The following CPNE2 variants were observed in gnomAD, a reference collection of about 807,000 sequenced individuals.
The protein encoded by CPNE2 is copine 2.
A neutral mutation model predicts 69.7 loss-of-function variants in CPNE2; 42 were observed. The ratio of observed to expected loss-of-function variants is 0.60; its 90% CI spans 0.47 to 0.78. CPNE2 has a LOEUF of 0.78. CPNE2 is among the 30% of genes least tolerant of loss of function. The probability of loss-of-function intolerance (pLI) is 0.00; values close to 1 mark genes in which losing one functional copy is unlikely to be tolerated. For synonymous variants in CPNE2, 294 were observed against 289.8 expected, an observed-to-expected ratio of 1.01 and a Z score of -0.15; for missense variants, 587 against 732.0, an observed-to-expected ratio of 0.80 and a Z score of 2.29.
At chr16:57,145,805 C>G in intron 14 of CPNE2, 1 of 471,894 alleles carries the variant, frequency 2.1e-6, no homozygotes, top group Non-Finnish European at 3.9e-6. Context: ...GTCCAGGGCT[C>G]TCAGAGGCCC....
In CPNE2 at chr16:57,113,374, G is replaced by A; in HGVS notation, c.267G>A (p.Gln89=). 6.2e-6 allele frequency: 10 copies of A among 1,614,214 alleles called. No individual in the cohort carries two copies. Among genetic ancestry groups the A allele is most frequent in the Non-Finnish European group, 8.5e-6 (10 of 1,180,040 alleles). The stretch of plus-strand genomic sequence containing the variant: ...TTGACTACCACTTCGAGGAGGTACA[G>A]AAGCTCAAGTTCGCGCTCTTTGACC... ...FVLDYHFEEV[Q]KLKFALFDQD... is the part of the protein sequence containing the mutation. The change falls in exon 3 of 16, where the codon CAG becomes CAA. Residue 89 remains glutamine (Q), a synonymous_variant. Transcript: ENST00000290776.
intron 12 of CPNE2, among the ~76,000 whole-genome samples, 158 bp downstream of exon 12, chr16:57,128,061 G>C (rs554261501): frequency 3.9e-5 from 6 of 152,254 alleles, no homozygotes; most frequent in African/African-American, 1.4e-4. Context: ...CCTGATCCTT[G>C]GGCAGGCACT....
At chr16:57,116,846 G>A (rs2069722647) in intron 4 of CPNE2, among the ~76,000 whole-genome samples, 1 of 152,034 alleles carries the variant, frequency 6.6e-6, no homozygotes, top group African/African-American at 2.4e-5. Flanking sequence ...AGGCAGGAGA[G>A]GAGAGGAGGC....
intron 12 of CPNE2, 109 bp from the exon 13 acceptor site, chr16:57,134,666 G>T (rs1188296218): frequency 1.1e-5 from 13 of 1,136,872 alleles, no homozygotes; most frequent in Non-Finnish European, 1.6e-5. Flanking sequence ...TAGGGGTGGG[G>T]GTTATGAGCC....
chr16:57,122,488 G>T (rs2069770373), intron 9 of CPNE2, among the ~76,000 whole-genome samples: 1 of 152,248 alleles, frequency 6.6e-6, no homozygotes, highest in Non-Finnish European at 1.5e-5. Context: ...CCTTGTGATG[G>T]ATGGTCCTTG....
Position 57,121,732 on chromosome 16 carries a change from C to T in CPNE2, c.839C>T (p.Ser280Leu), listed in dbSNP as rs1179007270. 5.0e-6 allele frequency: 8 copies of T among 1,614,182 alleles called. No homozygotes were observed. The highest frequency in any genetic ancestry group is 3.4e-6 in the Non-Finnish European group (4 of 1,180,036). The change falls in exon 9 of 16, where the codon TCG becomes TTG. Residue 280 changes from serine to leucine, a missense_variant. Coordinates refer to ENST00000290776, the MANE Select transcript of CPNE2 (RefSeq NM_152727.6). ...KQRKKKNYKN[S>L]GIIILRSCKI... Reference sequence around the variant, plus strand: ...AGGAAGAAGAAGAACTATAAAAACTCGGGCATCATCATCCTGCGATCCTGC... The same window carrying T: ...AGGAAGAAGAAGAACTATAAAAACTTGGGCATCATCATCCTGCGATCCTGC...
intron 1 of CPNE2, 64 bp from the exon 2 acceptor site, chr16:57,110,644 C>T (rs2069674870): frequency 8.9e-7 from 1 of 1,121,946 alleles, no homozygotes. Flanking sequence ...GGTAATGCCT[C>T]CCTATGGTGG....
chr16:57,122,613 G>A (rs1356230966), intron 9 of CPNE2, among the ~76,000 whole-genome samples: 2 of 152,118 alleles, frequency 1.3e-5, no homozygotes, highest in Non-Finnish European at 2.9e-5. Flanking sequence ...TTGTTTTTGA[G>A]ACAGAGTCTC....
In CPNE2 at chr16:57,146,322, G is replaced by A. The variant is rs1567329844; in HGVS notation, c.1539+1G>A. 3 of 1,547,268 alleles carry A rather than the reference G, an allele frequency of 1.9e-6. No homozygotes were observed. The highest frequency in any genetic ancestry group is 2.0e-5 in the Admixed American group (1 of 51,134). On this transcript the variant is annotated splice_donor_variant, in intron 15 of 15. Transcript: ENST00000290776. LOFTEE classifies it high-confidence loss of function. The surrounding 1 kb of genome is among the most constrained non-coding windows in gnomAD (Gnocchi z 4.4). ...CGTTCCCTTTCGAGAGTTCCGCAAC[G>A]TGAGTGTGGGCCTGGGCTGGGAGGG...
intron 13 of CPNE2, among the ~76,000 whole-genome samples, chr16:57,136,642 G>A (rs748168387): frequency 1.3e-5 from 2 of 152,144 alleles, no homozygotes; most frequent in Non-Finnish European, 2.9e-5. Context: ...GGCTGGACAC[G>A]GTGACTCATG....
intron 5 of CPNE2, among the ~76,000 whole-genome samples, chr16:57,117,848 G>A (rs2069731403): frequency 1.3e-5 from 2 of 152,036 alleles, no homozygotes; most frequent in Admixed American, 6.5e-5. Context: ...TACCCAATGG[G>A]GCCCTGCCTG....
At chr16:57,117,609 C>A in intron 5 of CPNE2, 42 bp downstream of exon 5, 1 of 1,599,688 alleles carries the variant, frequency 6.3e-7, no homozygotes, top group Non-Finnish European at 8.5e-7. Flanking sequence ...GAACAGTAGC[C>A]CCCACCAGCC....
chr16:57,134,076 G>A (rs1457393486), intron 12 of CPNE2, among the ~76,000 whole-genome samples: 3 of 152,166 alleles, frequency 2.0e-5, no homozygotes, highest in Admixed American at 1.3e-4. Flanking sequence ...TCTATACCCC[G>A]AAGCCATGCG....
chr16:57,115,960 A>G (rs1429818735), intron 4 of CPNE2, among the ~76,000 whole-genome samples: 3 of 152,008 alleles, frequency 2.0e-5, no homozygotes, highest in Non-Finnish European at 1.5e-5. Flanking sequence ...GTCTTCAAAG[A>G]CTCCCAGAAG....
chr16:57,107,506 G>A (rs1477193109), intron 1 of CPNE2, among the ~76,000 whole-genome samples: 2 of 152,182 alleles, frequency 1.3e-5, no homozygotes, highest in African/African-American at 4.8e-5. Context: ...CCAGCAAGAG[G>A]CTGGCGCTCC....
At chr16:57,094,824 G>A (rs762756129) in intron 1 of CPNE2, among the ~76,000 whole-genome samples, 1 of 152,210 alleles carries the variant, frequency 6.6e-6, no homozygotes, top group Non-Finnish European at 1.5e-5. Context: ...AAGACCAGGA[G>A]AAGTGGTAGG....
chr16:57,137,948 C>T (rs2069895196), intron 14 of CPNE2, among the ~76,000 whole-genome samples: 1 of 152,214 alleles, frequency 6.6e-6, no homozygotes, highest in Admixed American at 6.5e-5. Flanking sequence ...CCTCTCTCTG[C>T]AGTATGAGTT....
intron 1 of CPNE2, chr16:57,094,183 C>A: frequency 9.3e-6 from 4 of 429,072 alleles, no homozygotes; most frequent in Non-Finnish European, 1.9e-5. Context: ...AGGATGTGGA[C>A]GCTTGGGTTC....
intron 6 of CPNE2, 63 bp from the exon 7 acceptor site, chr16:57,119,498 G>T: frequency 6.9e-7 from 1 of 1,442,370 alleles, no homozygotes; most frequent in South Asian, 1.2e-5. Context: ...CCATTGGGCT[G>T]ACCCAACCCC....
Sources: gnomAD v4.1 joint callset for allele counts (sites outside exome capture counted in the v4.1 genomes callset) on GRCh38, gnomAD v4.1.1 for gene constraint, Gnocchi (gnomAD v3.1) non-coding constraint, MANE v1.5 for transcripts, NCBI Gene and HGNC (gene_info 2026-07-23, HGNC 2026-07-21) for gene names.